CEP20: variants seen among roughly 807,000 people sequenced by gnomAD.
CEP20 encodes centrosomal protein 20, also known as FGFR1OP N-terminal like.
Under a neutral mutation model 20.0 loss-of-function variants are expected in CEP20, and 18 were observed. The ratio of observed to expected loss-of-function variants is 0.90; its 90% CI spans 0.62 to 1.34. CEP20 has a LOEUF of 1.34. CEP20 is among the 40% of genes most tolerant of loss of function. The pLI, the probability that CEP20 is intolerant of heterozygous loss-of-function variation, is 0.00. For missense variants in CEP20, 215 were observed against 201.6 expected (o/e 1.07, Z -0.40); for synonymous variants, 77 against 73.7 (o/e 1.04, Z -0.23).
Position 15,867,294 on chromosome 16 carries a change from C to T in CEP20, c.*146G>A. 2.0e-6 allele frequency: 1 copy of T among 500,634 alleles called. No homozygotes were observed. The highest frequency in any genetic ancestry group is 4.3e-5 in the South Asian group (1 of 23,190). The allele number at this position is 500,634 out of a possible 1,614,324, so 31.0% of individuals were successfully genotyped here. On this transcript the variant is annotated 3_prime_UTR_variant, in exon 5 of 5. Coordinates refer to ENST00000255759, the MANE Select transcript of CEP20 (RefSeq NM_144600.4). ...TAGATGACAAGAGTTAGCTTTTATT[C>T]ACAAATGTAGTTAAACATGAGGGGT...
At chr16:15,882,784 T>TACACAC (rs71388769) in intron 2 of CEP20, among the ~76,000 whole-genome samples, 72,060 of 149,646 alleles carry the variant, frequency 0.48, 18,280 homozygotes, top group South Asian at 0.56. Flanking sequence ...TCTATCTAGA[T>TACACAC]ACACACACAC....
At chr16:15,877,919 G>A (rs1032089264) in intron 3 of CEP20, among the ~76,000 whole-genome samples, 1 of 152,106 alleles carries the variant, frequency 6.6e-6, no homozygotes, top group African/African-American at 2.4e-5. Context: ...AATTAGCTGG[G>A]CATGGTGGTG....
intron 4 of CEP20, among the ~76,000 whole-genome samples, chr16:15,870,250 G>A (rs1051869652): frequency 4.6e-5 from 7 of 152,104 alleles, no homozygotes; most frequent in South Asian, 2.1e-4. Flanking sequence ...TTTCTCAAGC[G>A]GTTATTTTTC....
At chr16:15,882,773 A>G (rs2045133778) in intron 2 of CEP20, among the ~76,000 whole-genome samples, 1 of 74,526 alleles carries the variant, frequency 1.3e-5, no homozygotes, top group African/African-American at 5.9e-5. Context: ...CTATCTATCT[A>G]TCTATCTAGA....
rs200250125 is a variant in CEP20, at chr16:15,883,051, C to CA, written c.226+956dup. ...ATCACAATAGAGTGAGACTCCGTCT[C>CA]AAAAAAAAAGAAAGAAAAAAAAGAC... On this transcript the variant is annotated intron_variant, in intron 2 of 4. Transcript: ENST00000255759. The CA allele has an allele frequency of 1.7e-3, 245 of 147,300 alleles. 1 individual carries two copies. The highest frequency in any genetic ancestry group is 3.2e-3 in the African/African-American group (127 of 39,864). 9.1% of individuals were successfully genotyped at this position (147,300 alleles called of 1,614,324 possible). A position where few individuals can be genotyped will look rare whatever the true frequency, so the allele number is the denominator to read the frequency against.
intron 3 of CEP20, among the ~76,000 whole-genome samples, chr16:15,876,627 C>T (rs563504634): frequency 8.6e-4 from 131 of 152,182 alleles, no homozygotes; most frequent in African/African-American, 3.0e-3. Context: ...TTTTAAAACC[C>T]GACAGCATTT....
chr16:15,885,566 T>C (rs975703034), intron 1 of CEP20: 1 of 152,086 alleles, frequency 6.6e-6, no homozygotes, highest in Non-Finnish European at 1.5e-5. Flanking sequence ...CTAATTTTTG[T>C]ATTTTTAGTA....
rs539524219 is a variant in CEP20, at chr16:15,867,390, T to A, written c.*50A>T. On this transcript the variant is annotated 3_prime_UTR_variant, in exon 5 of 5. Transcript: ENST00000255759. ...GGTAACATTGGGACAATAAATAAGT[T>A]ATTTAATTAATAATACAATTTTAAG... 8.6e-6 allele frequency: 12 copies of A among 1,395,440 alleles called. No individual in the cohort carries two copies. The African/African-American group carries it at 1.6e-4, about 19-fold the overall frequency. 86.4% of individuals were successfully genotyped at this position (1,395,440 alleles called of 1,614,324 possible).
At position 15,867,249 on chromosome 16, in the gene CEP20, T is replaced by TC. The variant is rs1236435771; in HGVS notation, c.*190dup. On this transcript the variant is annotated 3_prime_UTR_variant, in exon 5 of 5. Transcript: ENST00000255759. Reference sequence around the variant, plus strand: ...CTTCGTAAAAACAATACTTTTTTTTTCAAGTCAAATCCAATAAGCTAGATG... The same window carrying TC: ...CTTCGTAAAAACAATACTTTTTTTTTCCAAGTCAAATCCAATAAGCTAGATG... The TC allele has an allele frequency of 1.3e-5, 6 of 452,452 alleles. No homozygotes were observed. Among genetic ancestry groups the TC allele is most frequent in the African/African-American group, 2.0e-5 (1 of 50,300 alleles). 28.0% of individuals were successfully genotyped at this position (452,452 alleles called of 1,614,324 possible). A position where few individuals can be genotyped will look rare whatever the true frequency, so the allele number is the denominator to read the frequency against.
At chr16:15,872,254 C>T (rs903604547) in intron 4 of CEP20, among the ~76,000 whole-genome samples, 1 of 151,204 alleles carries the variant, frequency 6.6e-6, no homozygotes, top group Non-Finnish European at 1.5e-5. Context: ...GCAGAGCTTA[C>T]AGTGAGACGA....
At chr16:15,875,140 C>G (rs535153549) in intron 3 of CEP20, among the ~76,000 whole-genome samples, 1 of 152,102 alleles carries the variant, frequency 6.6e-6, no homozygotes, top group Admixed American at 6.6e-5. Flanking sequence ...CTACCAAATT[C>G]TGGAATAATA....
intron 2 of CEP20, among the ~76,000 whole-genome samples, chr16:15,880,329 T>G (rs1244738899): frequency 6.6e-6 from 1 of 152,136 alleles, no homozygotes; most frequent in African/African-American, 2.4e-5. Context: ...TGGAAAACAG[T>G]TGAGCAGTTT....
intron 4 of CEP20, among the ~76,000 whole-genome samples, chr16:15,867,967 C>T (rs1325111234): frequency 2.5e-5 from 3 of 119,332 alleles, no homozygotes; most frequent in Non-Finnish European, 3.3e-5. Flanking sequence ...GAGTGAAACT[C>T]GGTCTCAAAA....
chr16:15,884,533 G>A (rs539408402), intron 1 of CEP20, among the ~76,000 whole-genome samples: 127 of 151,826 alleles, frequency 8.4e-4, no homozygotes, highest in African/African-American at 2.9e-3. Context: ...ACACAGTCTC[G>A]CTCTTTCACC....
chr16:15,875,185 G>A (rs566596922), intron 3 of CEP20, among the ~76,000 whole-genome samples: 30 of 152,198 alleles, frequency 2.0e-4, no homozygotes, highest in Middle Eastern at 3.4e-3. Context: ...GGGAAACCAG[G>A]AAAGTAAGTT....
chr16:15,884,694 C>G (rs540954415), intron 1 of CEP20, among the ~76,000 whole-genome samples: 2 of 151,954 alleles, frequency 1.3e-5, no homozygotes, highest in African/African-American at 4.8e-5. Flanking sequence ...TTAGTAGAGA[C>G]GGGGTTTCAC....
In CEP20 at chr16:15,873,669, A is replaced by C. The variant is rs1384526362; in HGVS notation, c.312-42T>G. The C allele has an allele frequency of 4.4e-6, 7 of 1,577,186 alleles. No homozygotes were observed. In the Admixed American group the frequency reaches 1.3e-4, roughly 28 times the overall value. ...ACAAAACAAAACCAAAAGCTAATAA[A>C]TCTGCATAAACGGGAAAAGCTTAAA... On this transcript the variant is annotated intron_variant, in intron 3 of 4. Transcript: ENST00000255759.
intron 4 of CEP20, among the ~76,000 whole-genome samples, chr16:15,872,966 G>C (rs988452906): frequency 1.3e-5 from 2 of 151,556 alleles, no homozygotes; most frequent in Non-Finnish European, 2.9e-5. Flanking sequence ...TTGCAGTCAT[G>C]GAGAGGAAAA....
chr16:15,878,075 A>G (rs2044999881), intron 3 of CEP20, among the ~76,000 whole-genome samples: 1 of 152,124 alleles, frequency 6.6e-6, no homozygotes, highest in Admixed American at 6.6e-5. Flanking sequence ...AAAAGAAAAA[A>G]AAAAGAAACA....
Sources: allele counts gnomAD v4.1 joint callset (sites outside exome capture counted in the v4.1 genomes callset), GRCh38; gene constraint gnomAD v4.1.1; transcripts MANE v1.5; gene names NCBI Gene and HGNC (gene_info 2026-07-23, HGNC 2026-07-21).